The following LANCL3 variants were observed in gnomAD, a reference collection of about 807,000 sequenced individuals.
LANCL3 encodes LanC like family member 3, also known as lanC-like protein 3.
LANCL3 carries 19 observed loss-of-function variants against 26.5 expected under a neutral mutation model. That is an observed-to-expected ratio of 0.72 (90% CI 0.50 to 1.05). The LOEUF (loss-of-function observed/expected upper bound fraction) is 1.05. Ranked by LOEUF, LANCL3 falls within the 50% of genes least tolerant of loss-of-function variation. The probability of loss-of-function intolerance (pLI) is 0.00; values close to 1 mark genes in which losing one functional copy is unlikely to be tolerated. For synonymous variants in LANCL3, 160 were observed against 166.6 expected (o/e 0.96, Z 0.30); for missense variants, 318 against 362.7 (o/e 0.88, Z 1.00).
In LANCL3 at chrX:37,680,618, G is replaced by A. The variant is rs1926915322; in HGVS notation, c.*4805G>A. 2 of 111,711 alleles carry A rather than the reference G, an allele frequency of 1.8e-5. No homozygotes were observed. Among genetic ancestry groups the A allele is most frequent in the Admixed American group, 9.5e-5 (1 of 10,529 alleles). 9.2% of individuals were successfully genotyped at this position (111,711 alleles called of 1,213,427 possible). On this transcript the variant is annotated 3_prime_UTR_variant, in exon 5 of 5. Coordinates refer to ENST00000378619, the MANE Select transcript of LANCL3 (RefSeq NM_001170331.2). Reference sequence around the variant, plus strand: ...TCACCCATGTTTTTGTTCTTGCAGGGTTTGGTGAGTTATGTGGATTAAAAG... The same window carrying A: ...TCACCCATGTTTTTGTTCTTGCAGGATTTGGTGAGTTATGTGGATTAAAAG...
intron 4 of LANCL3, chrX:37,668,320 AATAT>A (rs782350468): frequency 4.6e-6 from 1 of 219,326 alleles, no homozygotes; most frequent in African/African-American, 3.2e-5. Context: ...TATATACATA[AATAT>A]ATATATATTT....
chrX:37,670,674 A>G lies in LANCL3; in HGVS notation c.1103+3185A>G, dbSNP rs189650049. ...TATTCCACCTATCATTCTCTTATTT[A>G]TTCTTTTAATTGTATTTTAGAGTCA... is the stretch of plus-strand genomic sequence containing the variant. On this transcript the variant is annotated intron_variant, in intron 4 of 4. Coordinates refer to ENST00000378619, the MANE Select transcript of LANCL3 (RefSeq NM_001170331.2). 2.3e-4 allele frequency among the ~76,000 whole-genome samples: 25 copies of G among 111,019 alleles called. 1 individual carries two copies. The highest frequency in any genetic ancestry group is 7.5e-4 in the African/African-American group (23 of 30,758).
chrX:37,619,859 A>C (rs1432910870), intron 1 of LANCL3, among the ~76,000 whole-genome samples: 1 of 111,707 alleles, frequency 9.0e-6, no homozygotes, highest in Non-Finnish European at 1.9e-5. Flanking sequence ...CCCTCTACTC[A>C]AAGGCTCTTA....
chrX:37,627,919 C>T (rs1449721306), intron 1 of LANCL3, among the ~76,000 whole-genome samples: 1 of 111,653 alleles, frequency 9.0e-6, no homozygotes, highest in Non-Finnish European at 1.9e-5. Context: ...AATCTATGTT[C>T]CACTGACTTG....
chrX:37,632,636 T>C (rs1251007212), intron 1 of LANCL3, among the ~76,000 whole-genome samples: 4 of 111,508 alleles, frequency 3.6e-5, no homozygotes, highest in Non-Finnish European at 7.5e-5. Flanking sequence ...GGAGCTCTTT[T>C]AGGGCAGGCC....
intron 1 of LANCL3, among the ~76,000 whole-genome samples, chrX:37,606,669 T>C (rs1304717834): frequency 9.0e-6 from 1 of 111,341 alleles, no homozygotes; most frequent in African/African-American, 3.3e-5. Flanking sequence ...AGGAACAAAC[T>C]CCTGATTTAC....
chrX:37,597,443 C>T (rs1238393760), intron 1 of LANCL3, among the ~76,000 whole-genome samples: 1 of 111,440 alleles, frequency 9.0e-6, no homozygotes, highest in African/African-American at 3.3e-5. Flanking sequence ...GTGTTTTCTA[C>T]AGCAGCTGCA....
At chrX:37,587,281 T>C (rs782015111) in intron 1 of LANCL3, among the ~76,000 whole-genome samples, 3 of 112,663 alleles carry the variant, frequency 2.7e-5, no homozygotes, top group Non-Finnish European at 5.6e-5. Flanking sequence ...CGTTCTCAGA[T>C]TTCAAATTCC....
intron 1 of LANCL3, among the ~76,000 whole-genome samples, chrX:37,634,544 G>A (rs186842253): frequency 7.3e-4 from 82 of 112,761 alleles, no homozygotes; most frequent in African/African-American, 2.6e-3. Flanking sequence ...CGCTCGCGCT[G>A]GGAGCTGTAG....
At chrX:37,672,887 A>C (rs1344065873) in intron 4 of LANCL3, among the ~76,000 whole-genome samples, 1 of 112,091 alleles carries the variant, frequency 8.9e-6, no homozygotes, top group Non-Finnish European at 1.9e-5. Context: ...TCTGTTGGCT[A>C]GGGGCATACT....
rs1926371398 is a variant in LANCL3 at position 37,659,645 on chromosome X, G to T, written c.881G>T (p.Cys294Phe). 8.3e-7 allele frequency: 1 copy of T among 1,206,745 alleles called. No individual in the cohort carries two copies. ...AGAGAGAATGAGCTGGTGCACTGGTGCCATGGCGCTCCAGGTCTCACACAC... is the reference window on the plus strand; with the variant it reads ...AGAGAGAATGAGCTGGTGCACTGGTTCCATGGCGCTCCAGGTCTCACACAC... ...IERENELVHW[C>F]HGAPGIAYLF... Residue 294 changes from cysteine to phenylalanine, a missense_variant, in exon 3 of 5, where the codon TGC becomes TTC. Cys to Phe is a radical substitution (Grantham distance 205). Transcript: ENST00000378619.
rs5963919 is a variant in LANCL3 at position 37,678,179 on chromosome X, C to A, written c.*2366C>A. ...AGAAACAACAATAGGCTTGTTTAGC[C>A]CTTAAACATGTTGATGAAACTTTTC... On this transcript the variant is annotated 3_prime_UTR_variant, in exon 5 of 5. Coordinates refer to ENST00000378619, the MANE Select transcript of LANCL3 (RefSeq NM_001170331.2). 0.32 allele frequency: 35,611 copies of A among 110,909 alleles called. 6,191 individuals carry two copies. The highest frequency in any genetic ancestry group is 0.69 in the African/African-American group (21,128 of 30,489). The allele number at this position is 110,909 out of a possible 1,213,427, so 9.1% of individuals were successfully genotyped here.
chrX:37,636,521 G>A (rs1248569876), intron 1 of LANCL3, among the ~76,000 whole-genome samples: 1 of 112,476 alleles, frequency 8.9e-6, no homozygotes, highest in Non-Finnish European at 1.9e-5. Flanking sequence ...TGTCTTTCAT[G>A]ACAATCTTAT....
At position 37,632,152 on chromosome X, in the gene LANCL3, A is replaced by G. The variant is rs371803766; in HGVS notation, c.574-23536A>G. Reference sequence around the variant, plus strand: ...CTGGGTGCTCCTGTATTGGTTGCATATATATTTAGGATAGTTAGCTCTTCT... The same window carrying G: ...CTGGGTGCTCCTGTATTGGTTGCATGTATATTTAGGATAGTTAGCTCTTCT... On this transcript the variant is annotated intron_variant, in intron 1 of 4. Transcript: ENST00000378619. Among the ~76,000 whole-genome samples the G allele has an allele frequency of 2.6e-3, 290 of 111,941 alleles. 2 individuals are homozygous for G. The South Asian group carries it at 0.029, about 11-fold the overall frequency.
chrX:37,594,917 T>C (rs1406332016), intron 1 of LANCL3, among the ~76,000 whole-genome samples: 1 of 111,972 alleles, frequency 8.9e-6, no homozygotes, highest in Non-Finnish European at 1.9e-5. Context: ...CAAGCATGTA[T>C]GGTTAAGTAC....
At chrX:37,597,668 C>CTTT (rs57097813) in intron 1 of LANCL3, among the ~76,000 whole-genome samples, 24 of 79,827 alleles carry the variant, frequency 3.0e-4, no homozygotes, top group East Asian at 7.5e-4. Flanking sequence ...CACACGCCAC[C>CTTT]TTTTTTTTTT....
Position 37,628,478 on chromosome X carries a change from G to A in LANCL3, c.574-27210G>A, listed in dbSNP as rs781874272. 8.3e-5 allele frequency among the ~76,000 whole-genome samples: 9 copies of A among 108,731 alleles called. No individual in the cohort carries two copies. The East Asian group carries it at 1.2e-3, about 14-fold the overall frequency. The allele number at this position is 108,731 out of a possible 115,157, so 94.4% of individuals were successfully genotyped here. A position where few individuals can be genotyped will look rare whatever the true frequency, so the allele number is the denominator to read the frequency against. ...TATTATTATTATACTTTAAGATTTAGGGTACATGTGCACAATGTGCAGGTT... is the reference window on the plus strand; with the variant it reads ...TATTATTATTATACTTTAAGATTTAAGGTACATGTGCACAATGTGCAGGTT... On this transcript the variant is annotated intron_variant, in intron 1 of 4. Transcript: ENST00000378619.
chrX:37,678,746 C>T lies in LANCL3; in HGVS notation c.*2933C>T, dbSNP rs1164255229. 9.0e-6 allele frequency: 1 copy of T among 111,451 alleles called. No individual in the cohort carries two copies. The highest frequency in any genetic ancestry group is 1.9e-5 in the Non-Finnish European group (1 of 53,001). 9.2% of individuals were successfully genotyped at this position (111,451 alleles called of 1,213,427 possible). A position where few individuals can be genotyped will look rare whatever the true frequency, so the allele number is the denominator to read the frequency against. On this transcript the variant is annotated 3_prime_UTR_variant, in exon 5 of 5. Coordinates refer to ENST00000378619, the MANE Select transcript of LANCL3 (RefSeq NM_001170331.2). ...AACAGGGGTTTGCTAGAGTATATTT[C>T]CCTGTGCTTCTTTAGGTAGTTGACT...
intron 1 of LANCL3, among the ~76,000 whole-genome samples, chrX:37,639,240 C>T (rs1384879865): frequency 3.0e-5 from 3 of 100,243 alleles, no homozygotes; most frequent in African/African-American, 7.2e-5. Flanking sequence ...TGTGTACCTA[C>T]ATACATATAC....
Sources: gnomAD v4.1 joint callset for allele counts (sites outside exome capture counted in the v4.1 genomes callset) on GRCh38, gnomAD v4.1.1 for gene constraint, MANE v1.5 for transcripts, NCBI Gene and HGNC (gene_info 2026-07-23, HGNC 2026-07-21) for gene names.